THADA: variants seen among roughly 807,000 people sequenced by gnomAD.
THADA encodes the protein tRNA (32-2'-O)-methyltransferase regulator THADA.
Under a neutral mutation model 219.8 loss-of-function variants are expected in THADA, and 213 were observed. The ratio of observed to expected loss-of-function variants is 0.97; its 90% confidence interval spans 0.87 to 1.09. The LOEUF (loss-of-function observed/expected upper bound fraction) is 1.09, where lower values mean the gene tolerates loss of function less well. Among genes scored for constraint, THADA ranks in the 50% least tolerant of loss-of-function variants. THADA has a pLI of 0.00. For missense variants in THADA, 2,956 were observed against 2,311.3 expected (o/e 1.28, Z -5.72); for synonymous variants, 1,018 against 828.9 (o/e 1.23, Z -3.92).
rs538464988 is a variant in THADA at position 43,505,706 on chromosome 2, G to A, written c.3537C>T (p.Gly1179=). ...QALLASEPKK[G]RMDLLKITMK... ...TTGTTATTTTCAACAAATCCATTCT[G>A]CCTTTCTTTGGTTCAGATGCCAACA... Residue 1179 remains glycine, a synonymous_variant, in exon 24 of 38, where the codon GGC becomes GGT. Coordinates refer to ENST00000405975, the MANE Select transcript of THADA (RefSeq NM_022065.5). The A allele has an allele frequency of 1.3e-6, 2 of 1,588,030 alleles. No individual in the cohort carries two copies. The highest frequency in any genetic ancestry group is 1.7e-6 in the Non-Finnish European group (2 of 1,165,328).
chr2:43,354,747 C>G (rs977917391), intron 29 of THADA, among the ~76,000 whole-genome samples: 2 of 151,960 alleles, frequency 1.3e-5, no homozygotes, highest in African/African-American at 4.8e-5. Context: ...TTTTCTTTAC[C>G]ATTTGATATT....
chr2:43,443,417 A>G (rs1288792451), intron 26 of THADA, among the ~76,000 whole-genome samples: 2 of 152,232 alleles, frequency 1.3e-5, no homozygotes, highest in Non-Finnish European at 2.9e-5. Flanking sequence ...ACACAAATAA[A>G]TAACGCTTGT....
chr2:43,422,180 G>A (rs1490781428), intron 28 of THADA, among the ~76,000 whole-genome samples: 1 of 152,168 alleles, frequency 6.6e-6, no homozygotes, highest in African/African-American at 2.4e-5. Context: ...CCTTGATAGA[G>A]AATACTAATT....
At chr2:43,375,757 G>T (rs1406103791) in intron 29 of THADA, among the ~76,000 whole-genome samples, 1 of 152,136 alleles carries the variant, frequency 6.6e-6, no homozygotes, top group Non-Finnish European at 1.5e-5. Flanking sequence ...TAAACCTCCT[G>T]AACTTCTATT....
At chr2:43,396,975 G>A (rs990970874) in intron 29 of THADA, among the ~76,000 whole-genome samples, 3 of 151,956 alleles carry the variant, frequency 2.0e-5, no homozygotes, top group African/African-American at 7.3e-5. Context: ...TGGTGTACCC[G>A]GCACTATTCT....
At chr2:43,256,275 A>G (rs1456751070) in intron 36 of THADA, among the ~76,000 whole-genome samples, 1 of 151,904 alleles carries the variant, frequency 6.6e-6, no homozygotes, top group Non-Finnish European at 1.5e-5. Flanking sequence ...TTGGGAGGCC[A>G]AGGTGGGAGT....
intron 26 of THADA, among the ~76,000 whole-genome samples, chr2:43,434,700 C>T (rs2104837203): frequency 6.6e-6 from 1 of 152,334 alleles, no homozygotes; most frequent in African/African-American, 2.4e-5. Flanking sequence ...CCTTCTGGTT[C>T]CCCCATCTGC....
chr2:43,319,063 T>C (rs919334480), intron 31 of THADA, among the ~76,000 whole-genome samples: 2 of 152,150 alleles, frequency 1.3e-5, no homozygotes, highest in African/African-American at 4.8e-5. Flanking sequence ...TTTAGATACA[T>C]AGGCAGGGAA....
chr2:43,581,850 T>C lies in THADA; in HGVS notation c.612A>G (p.Leu204=). The change falls in exon 8 of 38, where the codon TTA becomes TTG. Residue 204 remains leucine (L), a synonymous_variant. Transcript: ENST00000405975. The stretch of plus-strand genomic sequence containing the variant: ...CCTGGAAATCTTGTACTTTCTGTAC[T>C]AACATCATTGAAACTCTAATGCCTA... ...LLVGIRVSMM[L]VQKVQDFQGN... is the part of the protein sequence containing the mutation. 1 of 1,612,370 alleles carries C rather than the reference T, an allele frequency of 6.2e-7. No homozygotes were observed. Among genetic ancestry groups the C allele is most frequent in the Non-Finnish European group, 8.5e-7 (1 of 1,179,444 alleles).
At chr2:43,525,317 C>T (rs986592689) in intron 22 of THADA, among the ~76,000 whole-genome samples, 16 of 152,296 alleles carry the variant, frequency 1.1e-4, no homozygotes, top group African/African-American at 2.6e-4. Flanking sequence ...CTCCTATCTG[C>T]GTATACTTCT....
chr2:43,485,177 G>A, intron 26 of THADA, 57 bp downstream of exon 26: 1 of 1,377,084 alleles, frequency 7.3e-7, no homozygotes, highest in South Asian at 1.2e-5. Context: ...TTTGTTTTTG[G>A]CCAGGACAAT....
At chr2:43,425,476 G>GTC (rs1455317404) in intron 28 of THADA, among the ~76,000 whole-genome samples, 3 of 151,232 alleles carry the variant, frequency 2.0e-5, no homozygotes, top group African/African-American at 7.3e-5. Flanking sequence ...GTGTGTGTGT[G>GTC]TGTGTGTGTG....
Position 43,591,836 on chromosome 2 carries a change from C to T in THADA, c.171+116G>A, listed in dbSNP as rs1701613124. The T allele has an allele frequency of 1.4e-5, 8 of 574,234 alleles. No homozygotes were observed. In the South Asian group the frequency reaches 1.9e-4, roughly 13 times the overall value. The allele number at this position is 574,234 out of a possible 1,614,324, so 35.6% of individuals were successfully genotyped here. The stretch of plus-strand genomic sequence containing the variant: ...ACAGAAAAAAAAAAATACTTATTTG[C>T]TAATGATAAACTGATATGCAATAAT... On this transcript the variant is annotated intron_variant, in intron 3 of 37. Transcript: ENST00000405975.
At chr2:43,321,373 G>C (rs775089074) in intron 30 of THADA, among the ~76,000 whole-genome samples, 2 of 152,134 alleles carry the variant, frequency 1.3e-5, no homozygotes, top group South Asian at 2.1e-4. Flanking sequence ...TTGTAAAATG[G>C]GAACTGTATT....
chr2:43,399,902 C>T (rs1674586990), intron 28 of THADA, among the ~76,000 whole-genome samples: 1 of 151,832 alleles, frequency 6.6e-6, no homozygotes, highest in South Asian at 2.1e-4. Context: ...AAACAAAAAA[C>T]AACTCTGAAA....
At chr2:43,263,855 A>T (rs1671231776) in intron 36 of THADA, among the ~76,000 whole-genome samples, 1 of 152,180 alleles carries the variant, frequency 6.6e-6, no homozygotes, top group East Asian at 1.9e-4. Flanking sequence ...TAAGCCCAGC[A>T]TGCATTAGCT....
chr2:43,319,422 T>C (rs1341992198), intron 31 of THADA, among the ~76,000 whole-genome samples: 1 of 152,012 alleles, frequency 6.6e-6, no homozygotes, highest in African/African-American at 2.4e-5. Context: ...TTGATGAGAG[T>C]CTAGCACGTT....
chr2:43,422,627 T>C (rs1399249603), intron 28 of THADA, among the ~76,000 whole-genome samples: 3 of 152,234 alleles, frequency 2.0e-5, no homozygotes, highest in Non-Finnish European at 4.4e-5. Flanking sequence ...TCATTTTGTA[T>C]GTATATAATT....
chr2:43,581,620 T>G (rs1700467617), intron 8 of THADA, 121 bp downstream of exon 8: 1 of 826,104 alleles, frequency 1.2e-6, no homozygotes, highest in Non-Finnish European at 1.8e-6. Context: ...AGAGGCTGAG[T>G]AAGGACACAT....
Sources: gnomAD v4.1 joint callset for allele counts (sites outside exome capture counted in the v4.1 genomes callset) on GRCh38, gnomAD v4.1.1 for gene constraint, MANE v1.5 for transcripts, NCBI Gene and HGNC (gene_info 2026-07-23, HGNC 2026-07-21) for gene names.